Variants in ADGRL3 observed in about 807,000 individuals in gnomAD.
ADGRL3 encodes adhesion G protein-coupled receptor L3.
In ADGRL3, 62 loss-of-function variants were observed where a neutral mutation model predicts 153.5. That is an observed-to-expected ratio of 0.40 (90% CI 0.33 to 0.50). The LOEUF is 0.50. Ranked by LOEUF, ADGRL3 falls within the 20% of genes least tolerant of loss-of-function variation. ADGRL3 has a pLI of 0.47. For synonymous variants in ADGRL3, 710 were observed against 672.5 expected, an observed-to-expected ratio of 1.06 and a Z score of -0.86; for missense variants, 1,641 against 1,859.4, an observed-to-expected ratio of 0.88 and a Z score of 2.16.
intron 17 of ADGRL3, among the ~76,000 whole-genome samples, chr4:61,971,336 T>C (rs867584277): frequency 2.6e-5 from 4 of 151,856 alleles, no homozygotes; most frequent in Admixed American, 2.0e-4. Context: ...GTCCCCAGAG[T>C]GTGATGTTCC....
chr4:61,886,465 G>A (rs2098539475), intron 9 of ADGRL3, among the ~76,000 whole-genome samples: 1 of 152,108 alleles, frequency 6.6e-6, no homozygotes, highest in Admixed American at 6.5e-5. Flanking sequence ...TTGTCTACTA[G>A]AGTGAAGTTA....
intron 3 of ADGRL3, among the ~76,000 whole-genome samples, chr4:61,512,936 T>C (rs919977003): frequency 3.3e-5 from 5 of 152,118 alleles, no homozygotes; most frequent in Non-Finnish European, 7.4e-5. Flanking sequence ...TTTCAAACTC[T>C]GTAAGGCTCA....
At chr4:61,265,864 T>G (rs1427734967) in intron 1 of ADGRL3, among the ~76,000 whole-genome samples, 1 of 151,826 alleles carries the variant, frequency 6.6e-6, no homozygotes, top group Non-Finnish European at 1.5e-5. Context: ...TCTTCGAAAT[T>G]TGCATTTTGG....
chr4:61,554,264 G>A (rs977682777), intron 4 of ADGRL3, among the ~76,000 whole-genome samples: 3 of 151,288 alleles, frequency 2.0e-5, no homozygotes, highest in Non-Finnish European at 2.9e-5. Flanking sequence ...CGCATTCTTG[G>A]CTCACTGCAA....
At chr4:61,242,484 A>G (rs528445743) in intron 1 of ADGRL3, among the ~76,000 whole-genome samples, 6 of 152,120 alleles carry the variant, frequency 3.9e-5, no homozygotes, top group African/African-American at 1.4e-4. Flanking sequence ...ATATTGATTT[A>G]TATTTGAATC....
intron 2 of ADGRL3, among the ~76,000 whole-genome samples, chr4:61,401,195 G>A (rs1010770706): frequency 6.6e-6 from 1 of 151,492 alleles, no homozygotes; most frequent in East Asian, 1.9e-4. Context: ...TTTTTATTAA[G>A]TTAATTTGTA....
intron 5 of ADGRL3, among the ~76,000 whole-genome samples, chr4:61,613,193 C>A (rs1405403976): frequency 6.6e-6 from 1 of 152,158 alleles, no homozygotes. Context: ...ATTCCATTCA[C>A]ATGATTTGTG....
chr4:61,556,838 C>T (rs1354540375), intron 4 of ADGRL3, among the ~76,000 whole-genome samples: 2 of 152,138 alleles, frequency 1.3e-5, no homozygotes, highest in Non-Finnish European at 1.5e-5. Context: ...AGATGTTGCT[C>T]ACCTCCAGTT....
intron 17 of ADGRL3, among the ~76,000 whole-genome samples, chr4:61,976,731 C>T (rs753402448): frequency 2.6e-5 from 4 of 152,098 alleles, no homozygotes; most frequent in African/African-American, 4.8e-5. Flanking sequence ...CCTTGTAAGA[C>T]GTGTCTTGCT....
intron 3 of ADGRL3, among the ~76,000 whole-genome samples, chr4:61,503,030 C>T (rs185003034): frequency 5.9e-5 from 9 of 152,244 alleles, no homozygotes; most frequent in Non-Finnish European, 7.4e-5. Context: ...ACACATCCAA[C>T]GCCATCCACA....
intron 8 of ADGRL3, among the ~76,000 whole-genome samples, chr4:61,734,415 A>AG (rs1407696598): frequency 6.6e-6 from 1 of 152,172 alleles, no homozygotes; most frequent in Non-Finnish European, 1.5e-5. Flanking sequence ...CACATGGCTA[A>AG]GGAAGCCTCA....
intron 1 of ADGRL3, among the ~76,000 whole-genome samples, chr4:61,265,964 C>A (rs1460632078): frequency 6.6e-6 from 1 of 151,826 alleles, no homozygotes; most frequent in Non-Finnish European, 1.5e-5. Flanking sequence ...GTAAATTTAA[C>A]ATGCAATTCT....
chr4:61,858,357 T>G (rs2098301835), intron 9 of ADGRL3, among the ~76,000 whole-genome samples: 1 of 152,188 alleles, frequency 6.6e-6, no homozygotes. Flanking sequence ...GCATGGTGGC[T>G]CACGCCTGTA....
intron 6 of ADGRL3, among the ~76,000 whole-genome samples, chr4:61,693,930 A>G (rs998615535): frequency 6.6e-6 from 1 of 152,144 alleles, no homozygotes; most frequent in African/African-American, 2.4e-5. Flanking sequence ...TCTGAATGCT[A>G]AAAGTATGAA....
rs775518426 is a variant in ADGRL3, at chr4:61,514,723, G to A, written c.56-2592G>A. Among the ~76,000 whole-genome samples, 8 of 151,984 alleles carry A rather than the reference G, an allele frequency of 5.3e-5. No homozygotes were observed. The East Asian group carries it at 1.2e-3, about 22-fold the overall frequency. On this transcript the variant is annotated intron_variant, in intron 3 of 26. Coordinates refer to ENST00000683033, the MANE Select transcript of ADGRL3 (RefSeq NM_001387552.1). ...CTTTTTTCAATTTACAGTCAAAGTC[G>A]ACTTAAGCTCCTGGTATTTTGTATT...
At chr4:61,987,020 A>T (rs1305017678) in intron 19 of ADGRL3, among the ~76,000 whole-genome samples, 1 of 152,166 alleles carries the variant, frequency 6.6e-6, no homozygotes, top group Non-Finnish European at 1.5e-5. Context: ...TTTTACACTC[A>T]AAGAATTTCT....
rs1329274618 is a variant in ADGRL3, at chr4:61,505,243, A to G, written c.55+7895A>G. On this transcript the variant is annotated intron_variant, in intron 3 of 26. Coordinates refer to ENST00000683033, the MANE Select transcript of ADGRL3 (RefSeq NM_001387552.1). ...TCATTTACCCGTTGATCATTTGCAT[A>G]TCTTCTTTTGAGAAATGTCTATTCA... 3.3e-5 allele frequency among the ~76,000 whole-genome samples: 5 copies of G among 152,124 alleles called. No homozygotes were observed. In the East Asian group the frequency reaches 9.6e-4, roughly 29 times the overall value.
At chr4:61,532,819 C>A (rs182298473) in intron 4 of ADGRL3, among the ~76,000 whole-genome samples, 1 of 151,222 alleles carries the variant, frequency 6.6e-6, no homozygotes, top group African/African-American at 2.4e-5. Flanking sequence ...AGCATCTCAG[C>A]GGATCAGCAG....
chr4:61,236,914 C>T (rs1023674240), intron 1 of ADGRL3, among the ~76,000 whole-genome samples: 8 of 152,106 alleles, frequency 5.3e-5, no homozygotes, highest in Non-Finnish European at 1.2e-4. Context: ...TTTAGATAAA[C>T]AAGGCTATGA....
Sources: allele counts gnomAD v4.1 joint callset (sites outside exome capture counted in the v4.1 genomes callset), GRCh38; gene constraint gnomAD v4.1.1; transcripts MANE v1.5; gene names NCBI Gene and HGNC (gene_info 2026-07-23, HGNC 2026-07-21).